RYR1: variants seen among roughly 807,000 people sequenced by gnomAD.
RYR1 encodes central core disease of muscle.
A neutral mutation model predicts 583.5 loss-of-function variants in RYR1; 342 were observed. The ratio of observed to expected loss-of-function variants is 0.59; its 90% CI spans 0.54 to 0.64. The LOEUF (loss-of-function observed/expected upper bound fraction) is 0.64. Among genes scored for constraint, RYR1 ranks in the 30% least tolerant of loss-of-function variants. The probability of loss-of-function intolerance (pLI) is 0.00; values close to 1 mark genes in which losing one functional copy is unlikely to be tolerated. For synonymous variants in RYR1, 2,791 were observed against 2,822.5 expected (o/e 0.99, Z 0.35); for missense variants, 6,032 against 6,917.2 (o/e 0.87, Z 4.54).
At chr19:38,505,150 C>A in intron 52 of RYR1, 69 bp downstream of exon 52, 2 of 1,442,430 alleles carry the variant, frequency 1.4e-6, no homozygotes, top group Non-Finnish European at 1.9e-6. Flanking sequence ...CTGGTTCTTC[C>A]CTGAGGCCCC....
intron 95 of RYR1, 125 bp downstream of exon 95, chr19:38,572,395 G>A (rs984175423): frequency 5.8e-6 from 7 of 1,208,194 alleles, no homozygotes; most frequent in Admixed American, 2.1e-5. Flanking sequence ...CCTAGGGTTG[G>A]GGTGAGGGCT....
At chr19:38,486,463 C>T (rs1969303773) in intron 34 of RYR1, among the ~76,000 whole-genome samples, 1 of 152,186 alleles carries the variant, frequency 6.6e-6, no homozygotes, top group African/African-American at 2.4e-5. Flanking sequence ...CCTGCCTCAG[C>T]CCCCCGAGTA....
intron 27 of RYR1, among the ~76,000 whole-genome samples, chr19:38,470,527 C>G (rs1005637897): frequency 7.2e-5 from 11 of 151,916 alleles, no homozygotes; most frequent in African/African-American, 2.7e-4. Flanking sequence ...ATCACTTGAG[C>G]CCAGAAGTTC....
rs1226204590 is a variant in RYR1, at chr19:38,433,791, TTCCCCGAC to T, written c.-38_-31del. The T allele has an allele frequency of 8.3e-7, 1 of 1,201,038 alleles. No individual in the cohort carries two copies. Among genetic ancestry groups the T allele is most frequent in the East Asian group, 3.8e-5 (1 of 26,348 alleles). 74.4% of individuals were successfully genotyped at this position (1,201,038 alleles called of 1,614,324 possible). On this transcript the variant is annotated 5_prime_UTR_variant, in exon 1 of 106. Coordinates refer to ENST00000359596, the MANE Select transcript of RYR1 (RefSeq NM_000540.3). ...CCCAGCCCGCAGCCCCCTCCCTCTG[TTCCCCGAC>T]CTCAGACCCTGGGCTTCCGACCTCG...
chr19:38,486,150 G>T lies in RYR1; in HGVS notation c.5495G>T (p.Gly1832Val), dbSNP rs193922784. 1.9e-6 allele frequency: 3 copies of T among 1,613,146 alleles called. No homozygotes were observed. The highest frequency in any genetic ancestry group is 2.2e-5 in the South Asian group (2 of 91,080). The change falls in exon 34 of 106, where the codon GGC becomes GTC. Residue 1832 changes from glycine to valine, a missense_variant. Coordinates refer to ENST00000359596, the MANE Select transcript of RYR1 (RefSeq NM_000540.3). ...GGQHARDPVG[G>V]SVEFQFVPVL... ...CAGCACGCTCGCGACCCCGTCGGGG[G>T]CTCCGTGGAGTTCCAGTTTGTGCCT... is the stretch of plus-strand genomic sequence containing the variant.
chr19:38,475,771 A>G (rs927346259), intron 29 of RYR1, among the ~76,000 whole-genome samples: 3 of 152,200 alleles, frequency 2.0e-5, no homozygotes, highest in African/African-American at 4.8e-5. Flanking sequence ...ATATAAACAC[A>G]ATACCCTCAA....
intron 64 of RYR1, among the ~76,000 whole-genome samples, chr19:38,515,462 C>A (rs372859589): frequency 6.6e-6 from 1 of 152,160 alleles, no homozygotes; most frequent in Non-Finnish European, 1.5e-5. Flanking sequence ...ACAGCAAGAG[C>A]GAGGCTGCGG....
Position 38,452,790 on chromosome 19 carries a change from C to T in RYR1, c.1245-29C>T, listed in dbSNP as rs35839245. On this transcript the variant is annotated intron_variant, in intron 12 of 105. Coordinates refer to ENST00000359596, the MANE Select transcript of RYR1 (RefSeq NM_000540.3). ...CGTTGCGGCAGTTAGCGCTCCCAGC[C>T]GTGGCTGACAGCTGCGAGGTCCCTG... is the stretch of plus-strand genomic sequence containing the variant. 0.017 allele frequency: 25,851 copies of T among 1,550,576 alleles called. 262 individuals are homozygous for T. The highest frequency in any genetic ancestry group is 0.019 in the Non-Finnish European group (21,989 of 1,146,166).
At position 38,499,840 on chromosome 19, in the gene RYR1, TC is replaced by T. The variant is rs376036930; in HGVS notation, c.7214+21del. Reference sequence around the variant, plus strand: ...GCGAGCAGTGAGTCTCCCGGCCCCCTCCTCAATAGGGCAACCCGCCCTCCCT... The same window carrying T: ...GCGAGCAGTGAGTCTCCCGGCCCCCTCTCAATAGGGCAACCCGCCCTCCCT... On this transcript the variant is annotated intron_variant, in intron 44 of 105. Transcript: ENST00000359596. This position sits in a 1 kb window ranked among gnomAD's most constrained non-coding sequence, Gnocchi z 7.3. 275 of 1,610,088 alleles carry T rather than the reference TC, an allele frequency of 1.7e-4. 1 individual carries two copies. In the African/African-American group the frequency reaches 3.4e-3, roughly 20 times the overall value.
intron 20 of RYR1, among the ~76,000 whole-genome samples, chr19:38,461,261 C>T (rs1348457647): frequency 2.6e-5 from 4 of 152,042 alleles, no homozygotes; most frequent in Non-Finnish European, 5.9e-5. Context: ...AGTGATACCC[C>T]GTCTTTATAG....
chr19:38,467,559 G>A (rs775094436), intron 24 of RYR1, 51 bp from the exon 25 acceptor site: 1 of 1,592,848 alleles, frequency 6.3e-7, no homozygotes, highest in East Asian at 2.2e-5. Flanking sequence ...TCGATGTCTT[G>A]GGATCCACAT....
intron 66 of RYR1, among the ~76,000 whole-genome samples, chr19:38,518,960 G>T (rs376450594): frequency 2.0e-5 from 3 of 151,942 alleles, no homozygotes; most frequent in Admixed American, 6.6e-5. Context: ...AACAGGTGAG[G>T]CGTCTGTTGT....
At chr19:38,463,626 CCAGGGGGT>C (rs2145434017) in intron 21 of RYR1, 99 bp downstream of exon 21, 1 of 1,456,640 alleles carries the variant, frequency 6.9e-7, no homozygotes, top group South Asian at 1.1e-5. Flanking sequence ...CCACAGGGCA[CCAGGGGGT>C]CCTTGGACTG....
At chr19:38,453,354 G>A (rs1967192424) in intron 13 of RYR1, among the ~76,000 whole-genome samples, 3 of 151,932 alleles carry the variant, frequency 2.0e-5, no homozygotes, top group Admixed American at 1.3e-4. Flanking sequence ...GTGAGGCCTG[G>A]GGAGGTGAGG....
chr19:38,543,562 T>G lies in RYR1; in HGVS notation c.11809T>G (p.Ser3937Ala). The change falls in exon 86 of 106, where the codon TCG (serine) becomes GCG (alanine). Residue 3937 changes from serine to alanine, a missense_variant. Transcript: ENST00000359596. The surrounding 1 kb of genome is among the most constrained non-coding windows in gnomAD (Gnocchi z 4.4). Reference protein sequence around the residue: ...ESISDFYWYYSGKDVIEEQGK... With the variant: ...ESISDFYWYYAGKDVIEEQGK... The stretch of plus-strand genomic sequence containing the variant: ...CATCAGCGACTTCTACTGGTACTAC[T>G]CGGGCAAGGATGTCATTGAAGAGCA... 1 of 1,611,264 alleles carries G rather than the reference T, an allele frequency of 6.2e-7. No homozygotes were observed. The highest frequency in any genetic ancestry group is 8.5e-7 in the Non-Finnish European group (1 of 1,178,434).
At chr19:38,443,181 G>A (rs1404849150) in intron 3 of RYR1, among the ~76,000 whole-genome samples, 1 of 152,194 alleles carries the variant, frequency 6.6e-6, no homozygotes, top group Non-Finnish European at 1.5e-5. Context: ...TGATGGGGGA[G>A]GTCAGAGCAG....
intron 60 of RYR1, among the ~76,000 whole-genome samples, chr19:38,511,092 T>C (rs1271022037): frequency 6.6e-6 from 1 of 152,006 alleles, no homozygotes; most frequent in Non-Finnish European, 1.5e-5. Flanking sequence ...AGCCAGGAGT[T>C]TGAGGCCAGC....
chr19:38,452,416 C>T (rs1011561998), intron 12 of RYR1, among the ~76,000 whole-genome samples: 9 of 152,038 alleles, frequency 5.9e-5, no homozygotes, highest in Non-Finnish European at 1.0e-4. Context: ...ACTGACAGAG[C>T]GAGACCCTTC....
At chr19:38,466,473 C>A in intron 24 of RYR1, 75 bp downstream of exon 24, 2 of 1,357,030 alleles carry the variant, frequency 1.5e-6, no homozygotes, top group Non-Finnish European at 2.0e-6. Context: ...TGATCTCTGA[C>A]CTGACTCAGC....
Sources: gnomAD v4.1 joint callset for allele counts (sites outside exome capture counted in the v4.1 genomes callset) on GRCh38, gnomAD v4.1.1 for gene constraint, Gnocchi (gnomAD v3.1) non-coding constraint, MANE v1.5 for transcripts, NCBI Gene and HGNC (gene_info 2026-07-23, HGNC 2026-07-21) for gene names.